CAMSAP2: variants seen among roughly 807,000 people sequenced by gnomAD.
The protein encoded by CAMSAP2 is calmodulin regulated spectrin associated protein family member 2.
In CAMSAP2, 26 loss-of-function variants were observed where a neutral mutation model predicts 146.1. That is an observed-to-expected ratio of 0.18 (90% CI 0.13 to 0.25). The LOEUF (loss-of-function observed/expected upper bound fraction) is 0.25. CAMSAP2 is among the 10% of genes least tolerant of loss of function. The pLI is 1.00. For missense variants in CAMSAP2, 1,381 were observed against 1,759.3 expected, an observed-to-expected ratio of 0.78 and a Z score of 3.85; for synonymous variants, 499 against 596.6, an observed-to-expected ratio of 0.84 and a Z score of 2.38.
chr1:200,750,575 G>A (rs1291398264), intron 1 of CAMSAP2, among the ~76,000 whole-genome samples: 3 of 145,492 alleles, frequency 2.1e-5, no homozygotes, highest in African/African-American at 5.0e-5. Context: ...ATGCCTGTAT[G>A]TGTGTGTGTG....
At chr1:200,822,713 C>T (rs1400137568) in intron 4 of CAMSAP2, among the ~76,000 whole-genome samples, 1 of 152,088 alleles carries the variant, frequency 6.6e-6, no homozygotes, top group African/African-American at 2.4e-5. Flanking sequence ...TACCTGAAAC[C>T]TCAGATAGTA....
At chr1:200,817,191 T>TGTGTGTGTATACACACACACACATAA (rs1666606399) in intron 4 of CAMSAP2, among the ~76,000 whole-genome samples, 6 of 133,576 alleles carry the variant, frequency 4.5e-5, no homozygotes, top group African/African-American at 1.3e-4. Context: ...CACACACACA[T>TGTGTGTGTATACACACACACACATAA]GTGTGTGTGT....
In CAMSAP2 at chr1:200,855,955, T is replaced by G. The variant is rs1351149225; in HGVS notation, c.3897-55T>G. On this transcript the variant is annotated intron_variant, in intron 14 of 16. Coordinates refer to ENST00000358823, the MANE Select transcript of CAMSAP2 (RefSeq NM_203459.4). ...GATTGTTACTTTCACGTATACCCTCTGGGCCCCATTTTTTCTCTGTTTGAG... is the reference window on the plus strand; with the variant it reads ...GATTGTTACTTTCACGTATACCCTCGGGGCCCCATTTTTTCTCTGTTTGAG... 4.2e-6 allele frequency: 5 copies of G among 1,195,442 alleles called. No individual in the cohort carries two copies. The African/African-American group carries it at 7.6e-5, about 18-fold the overall frequency. The allele number at this position is 1,195,442 out of a possible 1,614,324, so 74.1% of individuals were successfully genotyped here.
At chr1:200,816,605 A>AAATATAT (rs1364421397) in intron 4 of CAMSAP2, among the ~76,000 whole-genome samples, 2 of 111,212 alleles carry the variant, frequency 1.8e-5, no homozygotes, top group African/African-American at 6.7e-5. Flanking sequence ...AAAAAAAAAA[A>AAATATAT]ATATATATAT....
rs774262393 is a variant in CAMSAP2, at chr1:200,849,490, G to A, written c.2721G>A (p.Met907Ile). Residue 907 changes from methionine (M) to isoleucine (I), a missense_variant, in exon 11 of 17, where the codon ATG becomes ATA. Physicochemically the swap from Met to Ile is conservative, Grantham distance 10 (BLOSUM62 1). Coordinates refer to ENST00000358823, the MANE Select transcript of CAMSAP2 (RefSeq NM_203459.4). The surrounding 1 kb of genome is among the most constrained non-coding windows in gnomAD (Gnocchi z 6.3). The part of the protein sequence containing the change: ...EMQRLSLQQE[M>I]LMQMREQQSW... The stretch of plus-strand genomic sequence containing the variant: ...AACGCTTGTCACTTCAGCAGGAGAT[G>A]TTAATGCAGATGAGAGAGCAACAAT... 30 of 1,614,094 alleles carry A rather than the reference G, an allele frequency of 1.9e-5. No homozygotes were observed. In the African/African-American group the frequency reaches 2.7e-4, roughly 14 times the overall value.
chr1:200,838,809 G>A (rs937678455), intron 6 of CAMSAP2, among the ~76,000 whole-genome samples: 1 of 152,208 alleles, frequency 6.6e-6, no homozygotes, highest in African/African-American at 2.4e-5. Flanking sequence ...AGGCAAAAAT[G>A]TTTGAATCAG....
chr1:200,803,929 CT>C (rs5780041), intron 2 of CAMSAP2, among the ~76,000 whole-genome samples: 129,256 of 148,642 alleles, frequency 0.87, 56,279 homozygotes, highest in Middle Eastern at 0.92. Context: ...TTCTGTTTTT[CT>C]TTTTTTTTTT....
chr1:200,804,618 A>G (rs954957050), intron 2 of CAMSAP2, among the ~76,000 whole-genome samples: 2 of 152,170 alleles, frequency 1.3e-5, no homozygotes, highest in Non-Finnish European at 2.9e-5. Flanking sequence ...CCCATAAAAC[A>G]TTGTCTAGGA....
At chr1:200,748,612 A>G (rs1664410814) in intron 1 of CAMSAP2, among the ~76,000 whole-genome samples, 1 of 151,180 alleles carries the variant, frequency 6.6e-6, no homozygotes, top group Non-Finnish European at 1.5e-5. Flanking sequence ...TCTTCCTTGC[A>G]GTTTATTTGT....
intron 15 of CAMSAP2, 109 bp downstream of exon 15, chr1:200,856,234 A>T: frequency 1.4e-6 from 1 of 694,394 alleles, no homozygotes; most frequent in Non-Finnish European, 2.5e-6. Flanking sequence ...AAACATAGGC[A>T]ACTAATAAAC....
chr1:200,810,302 G>T (rs577797424), intron 3 of CAMSAP2, among the ~76,000 whole-genome samples: 1 of 152,134 alleles, frequency 6.6e-6, no homozygotes, highest in Admixed American at 6.5e-5. Flanking sequence ...GATTTGGGCC[G>T]GGCGTGGTGG....
rs1244738513 is a variant in CAMSAP2 at position 200,752,355 on chromosome 1, C to T, written c.140-8484C>T. ...TGTATCTATACTGTAAATTATTAAC[C>T]TGGTTCTTATTTTAATATATATAGA... On this transcript the variant is annotated intron_variant, in intron 1 of 16. Coordinates refer to ENST00000358823, the MANE Select transcript of CAMSAP2 (RefSeq NM_203459.4). Among the ~76,000 whole-genome samples, 3 of 151,950 alleles carry T rather than the reference C, an allele frequency of 2.0e-5. No individual in the cohort carries two copies. The East Asian group carries it at 5.8e-4, about 29-fold the overall frequency.
intron 11 of CAMSAP2, among the ~76,000 whole-genome samples, chr1:200,851,452 C>T (rs1237624487): frequency 2.6e-5 from 4 of 152,212 alleles, no homozygotes; most frequent in African/African-American, 9.6e-5. Flanking sequence ...GCCTCAGCCT[C>T]CCAAAGTGCT....
chr1:200,816,970 GTGTATATATCTACACATATATACATATA>G (rs1666569301), intron 4 of CAMSAP2, among the ~76,000 whole-genome samples: 2 of 97,610 alleles, frequency 2.0e-5, no homozygotes, highest in Non-Finnish European at 2.2e-5. Context: ...GCGTGTGTAT[GTGTATATATCTACACATATATACATATA>G]TGTGTACCCA....
chr1:200,805,835 A>G (rs1666156711), intron 2 of CAMSAP2, among the ~76,000 whole-genome samples: 1 of 152,196 alleles, frequency 6.6e-6, no homozygotes, highest in Non-Finnish European at 1.5e-5. Flanking sequence ...CTAATAAGAA[A>G]GAAAGAAAGA....
At chr1:200,825,405 A>G (rs763300061) in intron 4 of CAMSAP2, among the ~76,000 whole-genome samples, 2 of 152,150 alleles carry the variant, frequency 1.3e-5, no homozygotes, top group African/African-American at 4.8e-5. Context: ...AGCACAAAAC[A>G]TAACATATTT....
At chr1:200,802,851 T>A (rs1007309881) in intron 2 of CAMSAP2, among the ~76,000 whole-genome samples, 2 of 152,206 alleles carry the variant, frequency 1.3e-5, no homozygotes, top group Non-Finnish European at 2.9e-5. Context: ...TATTTTTGCT[T>A]AGACTCCACT....
chr1:200,845,312 C>T (rs765200859), intron 8 of CAMSAP2, among the ~76,000 whole-genome samples: 9 of 151,022 alleles, frequency 6.0e-5, no homozygotes, highest in East Asian at 5.8e-4. Context: ...ACCCACACAA[C>T]GGGTGGGTTT....
At chr1:200,823,396 G>A (rs1163258288) in intron 4 of CAMSAP2, among the ~76,000 whole-genome samples, 3 of 152,172 alleles carry the variant, frequency 2.0e-5, no homozygotes, top group East Asian at 1.9e-4. Context: ...CGTAATTGGA[G>A]CCCATTTGTG....
Sources: allele counts gnomAD v4.1 joint callset (sites outside exome capture counted in the v4.1 genomes callset), GRCh38; gene constraint gnomAD v4.1.1; non-coding constraint Gnocchi (gnomAD v3.1); transcripts MANE v1.5; gene names NCBI Gene and HGNC (gene_info 2026-07-23, HGNC 2026-07-21).